Variants in LRRD1 observed in about 807,000 individuals in gnomAD.
LRRD1 encodes leucine rich repeats and death domain containing 1.
Under a neutral mutation model 69.5 loss-of-function variants are expected in LRRD1, and 49 were observed. The observed-to-expected ratio is 0.70, with a 90% confidence interval of 0.56 to 0.89. LRRD1 has a LOEUF of 0.89. Ranked by LOEUF, LRRD1 falls within the 40% of genes least tolerant of loss-of-function variation. The pLI, the probability that LRRD1 is intolerant of heterozygous loss-of-function variation, is 0.00. For synonymous variants in LRRD1, 303 were observed against 338.9 expected (o/e 0.89, Z 1.16); for missense variants, 853 against 956.0 (o/e 0.89, Z 1.42).
chr7:92,156,298 T>G (rs1238851372), intron 3 of LRRD1, among the ~76,000 whole-genome samples: 1 of 152,236 alleles, frequency 6.6e-6, no homozygotes, highest in African/African-American at 2.4e-5. Context: ...CTAGTTCCTT[T>G]GACTTTTTAT....
At chr7:92,141,931 G>A (rs1362846784), downstream of LRRD1, 1 of 151,996 alleles carries the variant, frequency 6.6e-6, no homozygotes, top group Non-Finnish European at 1.5e-5. Context: ...AACAAAAACT[G>A]CACTATGTCC....
At chr7:92,177,736 A>G (rs1205062229) in intron 1 of LRRD1, among the ~76,000 whole-genome samples, 2 of 152,100 alleles carry the variant, frequency 1.3e-5, no homozygotes, top group African/African-American at 4.8e-5. Context: ...ATTGCAGTCT[A>G]CTTAGCTGCA....
downstream of LRRD1, chr7:92,144,796 C>T (rs1261423668): frequency 1.4e-6 from 1 of 694,556 alleles, no homozygotes; most frequent in African/African-American, 1.8e-5. Context: ...ATGCAATTCT[C>T]TTGTATGATA....
At chr7:92,145,640 C>T (rs1349560239) in intron 5 of LRRD1, among the ~76,000 whole-genome samples, 3 of 151,842 alleles carry the variant, frequency 2.0e-5, no homozygotes, top group African/African-American at 7.2e-5. Context: ...GGGGTTTCAC[C>T]GTGTTAGCCA....
chr7:92,160,887 A>C lies in LRRD1; in HGVS notation c.1918-1684T>G, dbSNP rs191623600. Among the ~76,000 whole-genome samples, 7 of 152,298 alleles carry C rather than the reference A, an allele frequency of 4.6e-5. No homozygotes were observed. The East Asian group carries it at 1.2e-3, about 25-fold the overall frequency. On this transcript the variant is annotated intron_variant, in intron 2 of 5. Transcript: ENST00000458448. The stretch of plus-strand genomic sequence containing the variant: ...GGACACTTAAGGCAAGATAAATATC[A>C]TGAATAACAATGGCCAGTGAGAAGC...
In LRRD1 at chr7:92,157,451, G is replaced by C. The variant is rs183832857; in HGVS notation, c.2116+1554C>G. On this transcript the variant is annotated intron_variant, in intron 3 of 5. Transcript: ENST00000458448. Reference sequence around the variant, plus strand: ...CAAGTAATGTCTTTGTCTTATTATGGTATTAGGATAATGCTGGCCTCAGAA... The same window carrying C: ...CAAGTAATGTCTTTGTCTTATTATGCTATTAGGATAATGCTGGCCTCAGAA... Among the ~76,000 whole-genome samples, 13 of 152,136 alleles carry C rather than the reference G, an allele frequency of 8.5e-5. No homozygotes were observed. The East Asian group carries it at 2.5e-3, about 29-fold the overall frequency.
intron 3 of LRRD1, among the ~76,000 whole-genome samples, chr7:92,156,129 T>A (rs1428563853): frequency 6.6e-6 from 1 of 152,222 alleles, no homozygotes; most frequent in Non-Finnish European, 1.5e-5. Context: ...TAATTGTGGA[T>A]CTATTTCTAG....
At chr7:92,145,698 C>A (rs1481012747) in intron 5 of LRRD1, among the ~76,000 whole-genome samples, 1 of 152,144 alleles carries the variant, frequency 6.6e-6, no homozygotes, top group Non-Finnish European at 1.5e-5. Flanking sequence ...CTCAGCTTCC[C>A]TAAATGCTGG....
Position 92,163,792 on chromosome 7 carries a change from A to G in LRRD1, c.1411T>C (p.Leu471=). The change falls in exon 2 of 6, where the codon TTG becomes CTG. Residue 471 remains leucine (L), a synonymous_variant. Coordinates refer to ENST00000458448, the MANE Select transcript of LRRD1 (RefSeq NM_001161528.2). ...KNCQKIIKIE[L]SYNKIMYFPL... The stretch of plus-strand genomic sequence containing the variant: ...AAATACATTATTTTGTTATAACTCA[A>G]TTCAATTTTAATTATTTTTTGGCAG... 6.7e-7 allele frequency: 1 copy of G among 1,502,774 alleles called. No homozygotes were observed. Among genetic ancestry groups the G allele is most frequent in the Non-Finnish European group, 8.8e-7 (1 of 1,130,018 alleles). The allele number at this position is 1,502,774 out of a possible 1,614,324, so 93.1% of individuals were successfully genotyped here.
intron 3 of LRRD1, 39 bp downstream of exon 3, chr7:92,158,966 A>ATG: frequency 3.4e-6 from 5 of 1,482,246 alleles, no homozygotes; most frequent in Non-Finnish European, 4.5e-6. Context: ...TTAATACTCT[A>ATG]CTTATTGATT....
intron 1 of LRRD1, among the ~76,000 whole-genome samples, chr7:92,172,999 A>T (rs1399775120): frequency 1.3e-5 from 2 of 152,204 alleles, no homozygotes; most frequent in Non-Finnish European, 2.9e-5. Context: ...AAACAGACAC[A>T]TAGACCAATG....
rs560893012 is a variant in LRRD1 at position 92,163,365 on chromosome 7, T to C, written c.1838A>G (p.Gln613Arg). The C allele has an allele frequency of 2.5e-5, 38 of 1,544,332 alleles. No homozygotes were observed. Among genetic ancestry groups the C allele is most frequent in the Non-Finnish European group, 3.2e-5 (37 of 1,144,960 alleles). The change falls in exon 2 of 6, where the codon CAA becomes CGA. Residue 613 changes from glutamine to arginine, a missense_variant. By Grantham distance (43) the Gln-to-Arg change is conservative (BLOSUM62 1). Transcript: ENST00000458448. ...GIQKLNFSSN[Q>R]FIHFPIELCQ... Reference sequence around the variant, plus strand: ...CAGTTCAATAGGAAAATGTATAAATTGATTGCTTGAGAAGTTTAATTTCTG... The same window carrying C: ...CAGTTCAATAGGAAAATGTATAAATCGATTGCTTGAGAAGTTTAATTTCTG...
Position 92,146,313 on chromosome 7 carries a change from G to C in LRRD1, c.2279-113C>G, listed in dbSNP as rs143444353. 5.8e-3 allele frequency: 3,500 copies of C among 598,334 alleles called. 86 individuals carry two copies. In the African/African-American group the frequency reaches 0.06, roughly 10 times the overall value. The allele number at this position is 598,334 out of a possible 1,614,324, so 37.1% of individuals were successfully genotyped here. On this transcript the variant is annotated intron_variant, in intron 4 of 5. Coordinates refer to ENST00000458448, the MANE Select transcript of LRRD1 (RefSeq NM_001161528.2). ...TGCTTCTATGAAATATATATGTTAAGTAAAACTGAAAATGACAATGCTGGC... is the reference window on the plus strand; with the variant it reads ...TGCTTCTATGAAATATATATGTTAACTAAAACTGAAAATGACAATGCTGGC...
At chr7:92,153,505 A>G (rs1045807335) in intron 3 of LRRD1, among the ~76,000 whole-genome samples, 2 of 150,892 alleles carry the variant, frequency 1.3e-5, no homozygotes, top group African/African-American at 4.9e-5. Flanking sequence ...ATTTTCTTCC[A>G]ATCCATGGCT....
intron 1 of LRRD1, among the ~76,000 whole-genome samples, chr7:92,170,938 T>C (rs1789044242): frequency 6.6e-6 from 1 of 152,134 alleles, no homozygotes; most frequent in Non-Finnish European, 1.5e-5. Context: ...AACAACATGC[T>C]CATGAATGAC....
chr7:92,153,399 G>A (rs542401013), intron 3 of LRRD1, among the ~76,000 whole-genome samples: 1 of 151,494 alleles, frequency 6.6e-6, no homozygotes, highest in Non-Finnish European at 1.5e-5. Flanking sequence ...TAGCTTCTTA[G>A]TAAATTATCT....
At chr7:92,175,620 G>C (rs1291520672) in intron 1 of LRRD1, among the ~76,000 whole-genome samples, 1 of 152,114 alleles carries the variant, frequency 6.6e-6, no homozygotes. Flanking sequence ...TTGTACTCCA[G>C]CCTGGGCAAC....
chr7:92,176,198 G>T (rs1237129725), intron 1 of LRRD1, among the ~76,000 whole-genome samples: 1 of 152,154 alleles, frequency 6.6e-6, no homozygotes, highest in Non-Finnish European at 1.5e-5. Flanking sequence ...ATATACCCAT[G>T]GTATTGAGTC....
chr7:92,154,686 A>G (rs1459010576), intron 3 of LRRD1, among the ~76,000 whole-genome samples: 1 of 152,076 alleles, frequency 6.6e-6, no homozygotes, highest in African/African-American at 2.4e-5. Context: ...TAGGATCAAA[A>G]TTATATTGTG....
Sources: gnomAD v4.1 joint callset for allele counts (sites outside exome capture counted in the v4.1 genomes callset) on GRCh38, gnomAD v4.1.1 for gene constraint, MANE v1.5 for transcripts, NCBI Gene and HGNC (gene_info 2026-07-23, HGNC 2026-07-21) for gene names.